The following CHORDC1 variants were observed in gnomAD, a reference collection of about 807,000 sequenced individuals.
CHORDC1 encodes cysteine and histidine-rich domain-containing protein 1.
In CHORDC1, 25 loss-of-function variants were observed where a neutral mutation model predicts 48.3. The ratio of observed to expected loss-of-function variants is 0.52; its 90% CI spans 0.38 to 0.72. The LOEUF is 0.72. Ranked by LOEUF, CHORDC1 falls within the 30% of genes least tolerant of loss-of-function variation. The pLI, the probability that CHORDC1 is intolerant of heterozygous loss-of-function variation, is 0.00. For synonymous variants in CHORDC1, 128 were observed against 126.4 expected, an observed-to-expected ratio of 1.01 and a Z score of -0.09; for missense variants, 317 against 388.7, an observed-to-expected ratio of 0.82 and a Z score of 1.55.
intron 6 of CHORDC1, among the ~76,000 whole-genome samples, chr11:90,210,252 A>C (rs3740820): frequency 0.43 from 64,941 of 152,012 alleles, 14,367 homozygotes; most frequent in East Asian, 0.59. Context: ...TCCATAAGAA[A>C]AGAAATGTTT....
At chr11:90,211,403 T>A in intron 4 of CHORDC1, 85 bp from the exon 5 acceptor site, 1 of 840,828 alleles carries the variant, frequency 1.2e-6, no homozygotes, top group Non-Finnish European at 2.0e-6. Flanking sequence ...AAAAGCTTTC[T>A]GAGAAGCCAA....
intron 8 of CHORDC1, 121 bp downstream of exon 8, chr11:90,205,339 G>T: frequency 1.5e-6 from 1 of 683,888 alleles, no homozygotes. Flanking sequence ...TCACATCAAA[G>T]CTCTATGGTG....
intron 1 of CHORDC1, among the ~76,000 whole-genome samples, chr11:90,220,602 T>C (rs1858142987): frequency 6.6e-6 from 1 of 152,206 alleles, no homozygotes; most frequent in African/African-American, 2.4e-5. Context: ...GAGTCAGATC[T>C]GAACCATACA....
Position 90,200,557 on chromosome 11 carries a change from T to C in CHORDC1, c.*1848A>G, listed in dbSNP as rs1016091670. On this transcript the variant is annotated 3_prime_UTR_variant, in exon 11 of 11. Coordinates refer to ENST00000320585, the MANE Select transcript of CHORDC1 (RefSeq NM_012124.3). ...TCTAAGAGAAATATTCGGATTTTTA[T>C]CTGGACAAGAAATTCAAAGGCTCCT... Among the ~76,000 whole-genome samples, 31 of 151,958 alleles carry C rather than the reference T, an allele frequency of 2.0e-4. 1 individual carries two copies. The highest frequency in any genetic ancestry group is 7.2e-4 in the African/African-American group (30 of 41,560).
At chr11:90,218,957 TAA>T (rs67038713) in intron 1 of CHORDC1, among the ~76,000 whole-genome samples, 12 of 145,486 alleles carry the variant, frequency 8.2e-5, no homozygotes, top group African/African-American at 7.7e-5. Context: ...ACTTTTTAAT[TAA>T]AAAAAAAAAA....
In CHORDC1 at chr11:90,202,884, G is replaced by A. The variant is rs771703099; in HGVS notation, c.790-9C>T. 1.3e-5 allele frequency: 21 copies of A among 1,583,320 alleles called. No individual in the cohort carries two copies. Among genetic ancestry groups the A allele is most frequent in the Non-Finnish European group, 1.8e-5 (21 of 1,166,292 alleles). On this transcript the variant is annotated splice_polypyrimidine_tract_variant and intron_variant, in intron 9 of 10. Transcript: ENST00000320585. Reference sequence around the variant, plus strand: ...ACAATATGCACATTTAACTGAAAAAGATATACACAGTTAATTGATCTAATT... The same window carrying A: ...ACAATATGCACATTTAACTGAAAAAAATATACACAGTTAATTGATCTAATT...
At chr11:90,221,924 T>A (rs1858181596) in intron 1 of CHORDC1, among the ~76,000 whole-genome samples, 1 of 152,222 alleles carries the variant, frequency 6.6e-6, no homozygotes, top group African/African-American at 2.4e-5. Context: ...ACAACCTCAT[T>A]GAACTGAGCT....
Position 90,200,685 on chromosome 11 carries a change from T to C in CHORDC1, c.*1720A>G, listed in dbSNP as rs1431967234. 6.6e-6 allele frequency among the ~76,000 whole-genome samples: 1 copy of C among 151,934 alleles called. No homozygotes were observed. Among genetic ancestry groups the C allele is most frequent in the Admixed American group, 6.6e-5 (1 of 15,246 alleles). Reference sequence around the variant, plus strand: ...GTGTATAAATCAATGTTTTGATCAATGTAACTAATCTGAGGTTACAATAAC... The same window carrying C: ...GTGTATAAATCAATGTTTTGATCAACGTAACTAATCTGAGGTTACAATAAC... On this transcript the variant is annotated 3_prime_UTR_variant, in exon 11 of 11. Coordinates refer to ENST00000320585, the MANE Select transcript of CHORDC1 (RefSeq NM_012124.3).
intron 4 of CHORDC1, chr11:90,212,473 A>G (rs1245657926): frequency 1.3e-5 from 2 of 152,082 alleles, no homozygotes. Context: ...GGACTAATAC[A>G]GTCATAGTAG....
chr11:90,210,330 A>G (rs559852455), intron 6 of CHORDC1, among the ~76,000 whole-genome samples: 1 of 152,216 alleles, frequency 6.6e-6, no homozygotes, highest in East Asian at 1.9e-4. Context: ...AGTAAATGTT[A>G]AGTGAATTGG....
intron 8 of CHORDC1, among the ~76,000 whole-genome samples, chr11:90,205,025 T>A (rs1857639573): frequency 6.6e-6 from 1 of 152,030 alleles, no homozygotes; most frequent in African/African-American, 2.4e-5. Flanking sequence ...GCAATCCTCC[T>A]CTCTGGCCAC....
At chr11:90,219,986 T>C (rs1858124638) in intron 1 of CHORDC1, among the ~76,000 whole-genome samples, 1 of 152,246 alleles carries the variant, frequency 6.6e-6, no homozygotes, top group Admixed American at 6.5e-5. Flanking sequence ...CAGACAACTC[T>C]GAATGTAGCC....
intron 1 of CHORDC1, among the ~76,000 whole-genome samples, chr11:90,219,534 G>C (rs1336627619): frequency 6.6e-6 from 1 of 152,172 alleles, no homozygotes; most frequent in Admixed American, 6.5e-5. Flanking sequence ...ACCTGAATGA[G>C]GGCAAGGAAC....
intron 9 of CHORDC1, 115 bp from the exon 10 acceptor site, chr11:90,202,990 C>G (rs1857579242): frequency 4.7e-6 from 6 of 1,263,876 alleles, no homozygotes. Context: ...TAAGAAACTG[C>G]CAATACTGTA....
Position 90,202,429 on chromosome 11 carries a change from T to C in CHORDC1, c.975A>G (p.Lys325=). 6.2e-7 allele frequency: 1 copy of C among 1,611,720 alleles called. No homozygotes were observed. Among genetic ancestry groups the C allele is most frequent in the East Asian group, 2.2e-5 (1 of 44,852 alleles). The change falls in exon 11 of 11, where the codon AAA becomes AAG. Residue 325 remains lysine (K), a synonymous_variant. Coordinates refer to ENST00000320585, the MANE Select transcript of CHORDC1 (RefSeq NM_012124.3). Reference sequence around the variant, plus strand: ...CTCAATCTGTTGTGGCATCTTTTTGTTTTTCCTGCTTTTTAGCTGCAGGCA... The same window carrying C: ...CTCAATCTGTTGTGGCATCTTTTTGCTTTTCCTGCTTTTTAGCTGCAGGCA... ...LELPAAKKQE[K]QKDATTD
At chr11:90,222,624 G>C in intron 1 of CHORDC1, 1 of 672,232 alleles carries the variant, frequency 1.5e-6, no homozygotes, top group Non-Finnish European at 2.7e-6. Flanking sequence ...GGGGACGACG[G>C]GGGAAACACG....
chr11:90,221,511 C>T (rs550852213), intron 1 of CHORDC1, among the ~76,000 whole-genome samples: 3 of 152,230 alleles, frequency 2.0e-5, no homozygotes, highest in Admixed American at 1.3e-4. Context: ...AAATGACTAT[C>T]GCCCCTGAAC....
rs113177413 is a variant in CHORDC1, at chr11:90,204,458, C to T, written c.669+1002G>A. 3.1e-3 allele frequency among the ~76,000 whole-genome samples: 478 copies of T among 152,216 alleles called. 3 individuals are homozygous for T. The highest frequency in any genetic ancestry group is 0.011 in the African/African-American group (453 of 41,544). On this transcript the variant is annotated intron_variant, in intron 8 of 10. Transcript: ENST00000320585. ...AACTAGGGCCAGGCGCGGTGGCTCA[C>T]GCCTATAATCCCAGCACTTTTGGAG... is the stretch of plus-strand genomic sequence containing the variant.
At chr11:90,221,173 T>C (rs1310024686) in intron 1 of CHORDC1, among the ~76,000 whole-genome samples, 1 of 152,126 alleles carries the variant, frequency 6.6e-6, no homozygotes, top group Non-Finnish European at 1.5e-5. Context: ...TGGAACTTGC[T>C]TGTGTATTTA....
Sources: allele counts gnomAD v4.1 joint callset (sites outside exome capture counted in the v4.1 genomes callset), GRCh38; gene constraint gnomAD v4.1.1; transcripts MANE v1.5; gene names NCBI Gene and HGNC (gene_info 2026-07-23, HGNC 2026-07-21).